The following SLIT3 variants were observed in gnomAD, a reference collection of about 807,000 sequenced individuals.
The protein encoded by SLIT3 is slit homolog 3 protein.
A neutral mutation model predicts 184.0 loss-of-function variants in SLIT3; 68 were observed. The observed-to-expected ratio is 0.37, with a 90% CI of 0.30 to 0.45. The LOEUF (loss-of-function observed/expected upper bound fraction) is 0.45, where lower values mean the gene tolerates loss of function less well. Ranked by LOEUF, SLIT3 falls within the 20% of genes least tolerant of loss-of-function variation. SLIT3 has a pLI of 1.00. For synonymous variants in SLIT3, 831 were observed against 828.6 expected (o/e 1.00, Z -0.05); for missense variants, 1,707 against 2,026.0 (o/e 0.84, Z 3.02).
chr5:169,066,263 T>C (rs1758346116), intron 4 of SLIT3, among the ~76,000 whole-genome samples: 1 of 152,198 alleles, frequency 6.6e-6, no homozygotes, highest in Non-Finnish European at 1.5e-5. Flanking sequence ...TCTTCCCCTT[T>C]AGTATGAGGT....
chr5:168,922,709 C>G (rs979867884), intron 4 of SLIT3, among the ~76,000 whole-genome samples: 3 of 152,078 alleles, frequency 2.0e-5, no homozygotes, highest in Admixed American at 6.5e-5. Context: ...AGCAGGTACA[C>G]AGGAACAGAG....
At chr5:168,715,389 G>C (rs1762688072) in intron 23 of SLIT3, among the ~76,000 whole-genome samples, 1 of 152,202 alleles carries the variant, frequency 6.6e-6, no homozygotes, top group Non-Finnish European at 1.5e-5. Context: ...CTTGGTCCCA[G>C]TGGTTTGGCC....
At chr5:168,872,520 A>G (rs1179712866) in intron 5 of SLIT3, among the ~76,000 whole-genome samples, 2 of 151,962 alleles carry the variant, frequency 1.3e-5, no homozygotes, top group Non-Finnish European at 2.9e-5. Flanking sequence ...AACTCTCTAC[A>G]CTTTCCACTC....
chr5:169,037,373 TA>T (rs1457618382), intron 4 of SLIT3, among the ~76,000 whole-genome samples: 3 of 152,220 alleles, frequency 2.0e-5, no homozygotes, highest in African/African-American at 7.2e-5. Context: ...GCCATTACCC[TA>T]AGCAGCACAG....
intron 4 of SLIT3, among the ~76,000 whole-genome samples, chr5:168,886,220 C>T (rs1760203810): frequency 6.6e-6 from 1 of 152,192 alleles, no homozygotes; most frequent in Admixed American, 6.5e-5. Context: ...TGCCATCCAT[C>T]TGCAGGACTG....
chr5:168,798,220 C>CTTTTTTTT lies in SLIT3; in HGVS notation c.936-2643_936-2642insAAAAAAAA, dbSNP rs575178855. Among the ~76,000 whole-genome samples the CTTTTTTTT allele has an allele frequency of 3.8e-4, 43 of 112,252 alleles. 9 individuals are homozygous for CTTTTTTTT. Among genetic ancestry groups the CTTTTTTTT allele is most frequent in the African/African-American group, 1.7e-3 (41 of 24,088 alleles). 73.6% of individuals were successfully genotyped at this position (112,252 alleles called of 152,430 possible). Reference sequence around the variant, plus strand: ...CTTTTGGTTTTCTTTTCTTCTTCTTCTTCTTTTTTTTTTTTTTTTAAGAGA... The same window carrying CTTTTTTTT: ...CTTTTGGTTTTCTTTTCTTCTTCTTCTTTTTTTTTTCTTTTTTTTTTTTTTTTAAGAGA... On this transcript the variant is annotated intron_variant, in intron 9 of 35. Coordinates refer to ENST00000519560, the MANE Select transcript of SLIT3 (RefSeq NM_003062.4).
At chr5:169,264,461 A>T (rs1298739086) in intron 1 of SLIT3, among the ~76,000 whole-genome samples, 2 of 152,138 alleles carry the variant, frequency 1.3e-5, no homozygotes, top group African/African-American at 4.8e-5. Flanking sequence ...TACAGGCGTG[A>T]GCCACCGTGC....
chr5:169,228,421 G>A (rs556033827), intron 3 of SLIT3, among the ~76,000 whole-genome samples: 9 of 152,246 alleles, frequency 5.9e-5, no homozygotes, highest in Admixed American at 5.2e-4. Flanking sequence ...GGGTGACAAG[G>A]AGTGACGACT....
At chr5:169,248,982 G>A (rs1230539302) in intron 2 of SLIT3, among the ~76,000 whole-genome samples, 1 of 152,148 alleles carries the variant, frequency 6.6e-6, no homozygotes, top group African/African-American at 2.4e-5. Context: ...AAACTGTTGG[G>A]TGGCCAATTT....
At chr5:168,758,783 C>G (rs1014238987) in intron 16 of SLIT3, among the ~76,000 whole-genome samples, 7 of 152,152 alleles carry the variant, frequency 4.6e-5, no homozygotes. Context: ...CTACAGGGAA[C>G]TGATGGGTGG....
intron 4 of SLIT3, among the ~76,000 whole-genome samples, chr5:169,147,068 G>A (rs1761949858): frequency 6.6e-6 from 1 of 152,180 alleles, no homozygotes; most frequent in Admixed American, 6.5e-5. Context: ...TGGATTGATA[G>A]CTCCTTGAAG....
At chr5:168,693,198 G>T (rs1205612403) in intron 28 of SLIT3, among the ~76,000 whole-genome samples, 1 of 152,168 alleles carries the variant, frequency 6.6e-6, no homozygotes, top group Non-Finnish European at 1.5e-5. Context: ...CAGACTTGTA[G>T]GTGTGACCAG....
At chr5:169,284,471 C>G (rs1415710474) in intron 1 of SLIT3, among the ~76,000 whole-genome samples, 1 of 152,028 alleles carries the variant, frequency 6.6e-6, no homozygotes, top group Non-Finnish European at 1.5e-5. Context: ...AATTCATGGA[C>G]AAATCAATAT....
intron 4 of SLIT3, among the ~76,000 whole-genome samples, chr5:168,986,072 G>A (rs903700475): frequency 3.9e-5 from 6 of 152,056 alleles, no homozygotes. Flanking sequence ...CTTCTATAAG[G>A]GGCTGACACT....
intron 4 of SLIT3, among the ~76,000 whole-genome samples, chr5:169,071,609 C>T (rs745700445): frequency 6.6e-6 from 1 of 152,172 alleles, no homozygotes; most frequent in Non-Finnish European, 1.5e-5. Context: ...TATTTCCTCC[C>T]AGCAATGCCA....
intron 5 of SLIT3, among the ~76,000 whole-genome samples, chr5:168,869,824 AG>A (rs1759443951): frequency 6.6e-6 from 1 of 152,236 alleles, no homozygotes; most frequent in South Asian, 2.1e-4. Flanking sequence ...CACAGTACCC[AG>A]GAACGGATCA....
chr5:168,768,280 CAG>C, intron 14 of SLIT3: 1 of 487,570 alleles, frequency 2.1e-6, no homozygotes, highest in Non-Finnish European at 4.3e-6. Flanking sequence ...GAAGCAGCGT[CAG>C]AGAGAGGACA....
chr5:168,761,675 G>A (rs17070430), intron 15 of SLIT3, among the ~76,000 whole-genome samples: 16,659 of 151,940 alleles, frequency 0.11, 999 homozygotes, highest in African/African-American at 0.15. Context: ...CATGTCTGTC[G>A]GTCCCCACAT....
At chr5:168,970,533 A>G (rs1754538190) in intron 4 of SLIT3, among the ~76,000 whole-genome samples, 1 of 152,138 alleles carries the variant, frequency 6.6e-6, no homozygotes, top group Non-Finnish European at 1.5e-5. Context: ...AAAACAAAAA[A>G]CAAACAGCTC....
Sources: allele counts gnomAD v4.1 joint callset (sites outside exome capture counted in the v4.1 genomes callset), GRCh38; gene constraint gnomAD v4.1.1; transcripts MANE v1.5; gene names NCBI Gene and HGNC (gene_info 2026-07-23, HGNC 2026-07-21).